MARK2: variants seen among roughly 807,000 people sequenced by gnomAD.
The protein encoded by MARK2 is serine/threonine-protein kinase MARK2.
Under a neutral mutation model 89.8 loss-of-function variants are expected in MARK2, and 16 were observed. The observed-to-expected ratio is 0.18, with a 90% confidence interval of 0.12 to 0.27. The LOEUF (loss-of-function observed/expected upper bound fraction) is 0.27. MARK2 is among the 10% of genes least tolerant of loss of function. MARK2 has a pLI of 1.00. For missense variants in MARK2, 621 were observed against 1,049.9 expected (o/e 0.59, Z 5.65); for synonymous variants, 382 against 399.5 (o/e 0.96, Z 0.52).
At chr11:63,853,933 C>T (rs149797008) in intron 1 of MARK2, among the ~76,000 whole-genome samples, 290 of 152,174 alleles carry the variant, frequency 1.9e-3, no homozygotes, top group African/African-American at 6.6e-3. Context: ...AGTGCAATGG[C>T]GTGATCTGTG....
intron 1 of MARK2, among the ~76,000 whole-genome samples, chr11:63,842,326 C>G (rs2016059415): frequency 6.6e-6 from 1 of 151,922 alleles, no homozygotes; most frequent in Non-Finnish European, 1.5e-5. Flanking sequence ...AAGCGATTCC[C>G]CTGCCTCAGC....
At chr11:63,880,585 G>A (rs1292704844) in intron 1 of MARK2, among the ~76,000 whole-genome samples, 2 of 152,178 alleles carry the variant, frequency 1.3e-5, no homozygotes, top group East Asian at 3.8e-4. Context: ...CAAAGCAGTA[G>A]AGAAACTAAA....
At chr11:63,886,168 C>T (rs938281677) in intron 1 of MARK2, among the ~76,000 whole-genome samples, 4 of 151,970 alleles carry the variant, frequency 2.6e-5, no homozygotes, top group African/African-American at 9.7e-5. Context: ...ATTCTGTCAC[C>T]CAAGCTGGAG....
At position 63,902,185 on chromosome 11, in the gene MARK2, CTG is replaced by C. The variant is rs1357492896; in HGVS notation, c.1102-11_1102-10del. 7 of 1,613,642 alleles carry C rather than the reference CTG, an allele frequency of 4.3e-6. No homozygotes were observed. Among genetic ancestry groups the C allele is most frequent in the Non-Finnish European group, 5.9e-6 (7 of 1,179,766 alleles). The stretch of plus-strand genomic sequence containing the variant: ...TTCTGCCCTCCCTTGAAGCTGTTTT[CTG>C]TTTCTTTCAGCTGGAAGGCGACACC... On this transcript the variant is annotated splice_polypyrimidine_tract_variant and intron_variant, in intron 11 of 18. Transcript: ENST00000402010. This position sits in a 1 kb window ranked among gnomAD's most constrained non-coding sequence, Gnocchi z 4.2.
intron 1 of MARK2, among the ~76,000 whole-genome samples, chr11:63,845,680 T>G (rs2016242267): frequency 6.6e-6 from 1 of 152,152 alleles, no homozygotes; most frequent in South Asian, 2.1e-4. Context: ...AGAATGTTAC[T>G]GCCACCCGCC....
chr11:63,854,725 C>A (rs2016753413), intron 1 of MARK2, among the ~76,000 whole-genome samples: 2 of 150,434 alleles, frequency 1.3e-5, no homozygotes, highest in African/African-American at 4.9e-5. Flanking sequence ...ATGTCAGCTA[C>A]TCGGGAGGCT....
At chr11:63,854,766 G>A (rs1389680011) in intron 1 of MARK2, among the ~76,000 whole-genome samples, 2 of 145,994 alleles carry the variant, frequency 1.4e-5, no homozygotes, top group East Asian at 2.0e-4. Flanking sequence ...AGCCGAGATC[G>A]CACCATTGCA....
intron 4 of MARK2, 148 bp downstream of exon 4, chr11:63,898,428 C>A (rs907742295): frequency 3.2e-6 from 3 of 943,010 alleles, no homozygotes; most frequent in East Asian, 4.8e-5. Context: ...ATCCATCTCC[C>A]CTTCTGGCAC....
At chr11:63,862,999 G>C (rs975812808) in intron 1 of MARK2, among the ~76,000 whole-genome samples, 1 of 152,178 alleles carries the variant, frequency 6.6e-6, no homozygotes, top group Non-Finnish European at 1.5e-5. Context: ...CAGGCACAGA[G>C]CTACTTGCTT....
chr11:63,893,491 T>C (rs1940092678), intron 1 of MARK2, among the ~76,000 whole-genome samples: 1 of 151,840 alleles, frequency 6.6e-6, no homozygotes, highest in South Asian at 2.1e-4. Context: ...TTGACTATTA[T>C]GGATTATGGT....
At chr11:63,885,148 G>A (rs1473724504) in intron 1 of MARK2, among the ~76,000 whole-genome samples, 5 of 152,064 alleles carry the variant, frequency 3.3e-5, no homozygotes, top group Non-Finnish European at 7.4e-5. Context: ...AGCCAAGATC[G>A]TACCACTGCA....
chr11:63,866,843 G>A (rs1309619069), intron 1 of MARK2, among the ~76,000 whole-genome samples: 1 of 152,154 alleles, frequency 6.6e-6, no homozygotes, highest in Non-Finnish European at 1.5e-5. Context: ...GAAGACTGGG[G>A]CCTTAATCTT....
chr11:63,839,358 G>T lies in MARK2; in HGVS notation c.-149G>T. 1 of 550,244 alleles carries T rather than the reference G, an allele frequency of 1.8e-6. No homozygotes were observed. The highest frequency in any genetic ancestry group is 2.3e-5 in the South Asian group (1 of 44,312). The allele number at this position is 550,244 out of a possible 1,614,324, so 34.1% of individuals were successfully genotyped here. A position where few individuals can be genotyped will look rare whatever the true frequency, so the allele number is the denominator to read the frequency against. On this transcript the variant is annotated 5_prime_UTR_variant, in exon 1 of 19. Coordinates refer to ENST00000402010, the MANE Select transcript of MARK2 (RefSeq NM_001039469.3). ...GAGCGGCGCATCCCCGGGCTGGCGT[G>T]AGCGGCTGCCCGGCCTCCCCGCACC...
At chr11:63,862,686 C>A (rs1466987173) in intron 1 of MARK2, among the ~76,000 whole-genome samples, 2 of 152,178 alleles carry the variant, frequency 1.3e-5, no homozygotes, top group African/African-American at 4.8e-5. Context: ...TTCCCATCTT[C>A]CGGAATTTCA....
At chr11:63,846,907 C>T (rs1362979400) in intron 1 of MARK2, among the ~76,000 whole-genome samples, 1 of 152,174 alleles carries the variant, frequency 6.6e-6, no homozygotes, top group Non-Finnish European at 1.5e-5. Context: ...CCACCCACCT[C>T]GGCCTCCCAA....
chr11:63,877,970 G>A (rs1471747446), intron 1 of MARK2, among the ~76,000 whole-genome samples: 4 of 152,230 alleles, frequency 2.6e-5, no homozygotes, highest in African/African-American at 9.6e-5. Context: ...TGGCAAGCTG[G>A]CCAGGATACC....
At position 63,901,039 on chromosome 11, in the gene MARK2, C is replaced by T; in HGVS notation, c.1071C>T (p.Thr357=). 6.2e-7 allele frequency: 1 copy of T among 1,613,940 alleles called. No individual in the cohort carries two copies. The highest frequency in any genetic ancestry group is 1.1e-5 in the South Asian group (1 of 91,074). The change falls in exon 11 of 19, where the codon ACC becomes ACT. Residue 357 remains threonine, a synonymous_variant. Coordinates refer to ENST00000402010, the MANE Select transcript of MARK2 (RefSeq NM_001039469.3). ...VGQRYNEVMA[T]YLLLGYKSSE... is the part of the protein sequence containing the mutation. The stretch of plus-strand genomic sequence containing the variant: ...AGAGATACAACGAGGTGATGGCCAC[C>T]TATCTGCTCCTGGGCTACAAGAGCT...
At chr11:63,853,953 A>C (rs2016702039) in intron 1 of MARK2, among the ~76,000 whole-genome samples, 1 of 152,064 alleles carries the variant, frequency 6.6e-6, no homozygotes, top group African/African-American at 2.4e-5. Context: ...GCTCACTGCC[A>C]CCTCTGCCTC....
intron 1 of MARK2, chr11:63,890,308 A>G: frequency 7.5e-7 from 1 of 1,337,084 alleles, no homozygotes; most frequent in Non-Finnish European, 9.9e-7. Context: ...AAGTAAGGGA[A>G]GGATTGAGCA....
Sources: allele counts gnomAD v4.1 joint callset (sites outside exome capture counted in the v4.1 genomes callset), GRCh38; gene constraint gnomAD v4.1.1; non-coding constraint Gnocchi (gnomAD v3.1); transcripts MANE v1.5; gene names NCBI Gene and HGNC (gene_info 2026-07-23, HGNC 2026-07-21).